Variants in PEAK1 observed in about 807,000 individuals in gnomAD.
PEAK1 encodes pseudopodium enriched atypical kinase 1, also known as inactive tyrosine-protein kinase PEAK1.
In PEAK1, 54 loss-of-function variants were observed where a neutral mutation model predicts 124.7. The ratio of observed to expected loss-of-function variants is 0.43; its 90% confidence interval spans 0.35 to 0.54. The LOEUF is 0.54. Among genes scored for constraint, PEAK1 ranks in the 20% least tolerant of loss-of-function variants. PEAK1 has a pLI of 0.01. For missense variants in PEAK1, 2,046 were observed against 2,134.5 expected, an observed-to-expected ratio of 0.96 and a Z score of 0.82; for synonymous variants, 719 against 760.0, an observed-to-expected ratio of 0.95 and a Z score of 0.89.
Position 77,111,943 on chromosome 15 carries a change from G to A in PEAK1, c.*2213C>T, listed in dbSNP as rs1012969303. Reference sequence around the variant, plus strand: ...TGCTGGCTGACATGGTCAGTGGTCTGTGTGCTGCCCTTCAGTGCATAATCA... The same window carrying A: ...TGCTGGCTGACATGGTCAGTGGTCTATGTGCTGCCCTTCAGTGCATAATCA... On this transcript the variant is annotated 3_prime_UTR_variant, in exon 10 of 10. Coordinates refer to ENST00000682557, the MANE Select transcript of PEAK1 (RefSeq NM_001385026.1). The A allele has an allele frequency of 6.6e-6, 1 of 152,310 alleles. No individual in the cohort carries two copies. The highest frequency in any genetic ancestry group is 1.5e-5 in the Non-Finnish European group (1 of 68,090). 9.4% of individuals were successfully genotyped at this position (152,310 alleles called of 1,614,324 possible). A position where few individuals can be genotyped will look rare whatever the true frequency, so the allele number is the denominator to read the frequency against.
chr15:77,330,006 T>C (rs937993309), intron 2 of PEAK1, among the ~76,000 whole-genome samples: 1 of 151,614 alleles, frequency 6.6e-6, no homozygotes, highest in African/African-American at 2.4e-5. Context: ...GACTACCTAA[T>C]ATTAAAAAGA....
At chr15:77,115,764 T>A (rs1191306232) in intron 9 of PEAK1, among the ~76,000 whole-genome samples, 3 of 152,228 alleles carry the variant, frequency 2.0e-5, no homozygotes, top group Non-Finnish European at 4.4e-5. Flanking sequence ...GGACTCATAA[T>A]GGAGACCAAA....
At chr15:77,362,851 T>TTTTA (rs1215322976) in intron 2 of PEAK1, among the ~76,000 whole-genome samples, 3 of 152,120 alleles carry the variant, frequency 2.0e-5, no homozygotes, top group Non-Finnish European at 4.4e-5. Context: ...TGACTTTTTA[T>TTTTA]TTTATTTATT....
At chr15:77,261,085 T>C (rs201708621) in intron 5 of PEAK1, among the ~76,000 whole-genome samples, 1 of 152,134 alleles carries the variant, frequency 6.6e-6, no homozygotes, top group South Asian at 2.1e-4. Flanking sequence ...GGAAAACTAA[T>C]AAACAGAAAG....
chr15:77,244,275 G>A (rs1178151485), intron 6 of PEAK1, among the ~76,000 whole-genome samples: 1 of 152,210 alleles, frequency 6.6e-6, no homozygotes, highest in African/African-American at 2.4e-5. Context: ...TCTATTATTT[G>A]AGACTGAGGT....
chr15:77,313,726 G>GTGTGTGTATATA (rs1462211130), intron 2 of PEAK1, among the ~76,000 whole-genome samples: 8 of 108,566 alleles, frequency 7.4e-5, no homozygotes, highest in African/African-American at 2.7e-4. Context: ...GTGTGTGTGT[G>GTGTGTGTATATA]TATATATATA....
At chr15:77,364,646 C>G (rs1194891563) in intron 2 of PEAK1, among the ~76,000 whole-genome samples, 1 of 152,148 alleles carries the variant, frequency 6.6e-6, no homozygotes, top group Non-Finnish European at 1.5e-5. Flanking sequence ...GAGTGGAATG[C>G]TATCTATAGA....
At chr15:77,301,774 T>C (rs1229816206) in intron 2 of PEAK1, among the ~76,000 whole-genome samples, 1 of 152,204 alleles carries the variant, frequency 6.6e-6, no homozygotes, top group Non-Finnish European at 1.5e-5. Context: ...GCCTAATGTA[T>C]GGAGTGGAGA....
chr15:77,356,451 C>T (rs536659541), intron 2 of PEAK1, among the ~76,000 whole-genome samples: 1 of 152,236 alleles, frequency 6.6e-6, no homozygotes, highest in East Asian at 1.9e-4. Flanking sequence ...AAATACACTT[C>T]GTATTATAAC....
intron 6 of PEAK1, among the ~76,000 whole-genome samples, chr15:77,250,194 T>TAC (rs2060797419): frequency 1.8e-5 from 2 of 112,614 alleles, no homozygotes; most frequent in African/African-American, 5.8e-5. Flanking sequence ...TATATATACA[T>TAC]ATATATACAT....
At chr15:77,182,749 C>CAAAAAAAAAAAAAAA (rs71143395) in intron 6 of PEAK1, among the ~76,000 whole-genome samples, 11 of 65,138 alleles carry the variant, frequency 1.7e-4, no homozygotes, top group African/African-American at 4.3e-4. Flanking sequence ...GACCTTGTCT[C>CAAAAAAAAAAAAAAA]AAAAAAAAAA....
At chr15:77,405,471 T>A (rs1399074171) in intron 1 of PEAK1, among the ~76,000 whole-genome samples, 1 of 152,168 alleles carries the variant, frequency 6.6e-6, no homozygotes, top group Non-Finnish European at 1.5e-5. Flanking sequence ...TATATTCCTA[T>A]CATAAAAGCT....
In PEAK1 at chr15:77,181,222, C is replaced by T. The variant is rs2057249240; in HGVS notation, c.705G>A (p.Glu235=). The change falls in exon 7 of 10, where the codon GAG becomes GAA. Residue 235 remains glutamate (E), a synonymous_variant. Coordinates refer to ENST00000682557, the MANE Select transcript of PEAK1 (RefSeq NM_001385026.1). The part of the protein sequence containing the change: ...FCYPEFSSGE[E]SEEDVLFSNM... ...TACTGAAAAGTACATCCTCTTCACT[C>T]TCCTCGCCACTGGAAAACTCTGGGT... The T allele has an allele frequency of 1.2e-6, 2 of 1,613,856 alleles. No homozygotes were observed. Among genetic ancestry groups the T allele is most frequent in the South Asian group, 2.2e-5 (2 of 91,082 alleles).
At chr15:77,289,849 C>G (rs2063123379) in intron 2 of PEAK1, among the ~76,000 whole-genome samples, 1 of 151,998 alleles carries the variant, frequency 6.6e-6, no homozygotes, top group African/African-American at 2.4e-5. Flanking sequence ...AGAAAGAAAC[C>G]AAAACACCTA....
rs149699011 is a variant in PEAK1 at position 77,204,840 on chromosome 15, G to T, written c.-114-22800C>A. The T allele has an allele frequency of 5.7e-3, 925 of 161,554 alleles. 3 individuals carry two copies. The highest frequency in any genetic ancestry group is 8.9e-3 in the Non-Finnish European group (667 of 74,992). The allele number at this position is 161,554 out of a possible 1,614,324, so 10.0% of individuals were successfully genotyped here. A position where few individuals can be genotyped will look rare whatever the true frequency, so the allele number is the denominator to read the frequency against. On this transcript the variant is annotated intron_variant, in intron 6 of 9. Coordinates refer to ENST00000682557, the MANE Select transcript of PEAK1 (RefSeq NM_001385026.1). ...AATTGCTTGAACCCAGGAGGCAGAG[G>T]TTGCAGTAAGCTGAGATTGTGCCAC...
chr15:77,152,049 A>G (rs1236221382), intron 8 of PEAK1, among the ~76,000 whole-genome samples: 1 of 152,182 alleles, frequency 6.6e-6, no homozygotes, highest in Non-Finnish European at 1.5e-5. Context: ...CATGATAGGG[A>G]TGGCATTGTA....
intron 2 of PEAK1, among the ~76,000 whole-genome samples, chr15:77,339,008 G>T (rs2066371158): frequency 6.6e-6 from 1 of 152,046 alleles, no homozygotes; most frequent in South Asian, 2.1e-4. Context: ...TTGTAAATTG[G>T]TTATTTCTGA....
chr15:77,133,134 C>A lies in PEAK1; in HGVS notation c.3948G>T (p.Gln1316His). ...EDLFMAGQKDQLRFGVDSWSD... is the reference protein window; with the variant it reads ...EDLFMAGQKDHLRFGVDSWSD... Reference sequence around the variant, plus strand: ...ACCAGCTGTCCACTCCAAAACGGAGCTGGTCTTTCTGCCCAGCCATGAAAA... The same window carrying A: ...ACCAGCTGTCCACTCCAAAACGGAGATGGTCTTTCTGCCCAGCCATGAAAA... Residue 1316 changes from glutamine to histidine, a missense_variant, in exon 9 of 10, where the codon CAG becomes CAT. By Grantham distance (24) the Gln-to-His change is conservative. Coordinates refer to ENST00000682557, the MANE Select transcript of PEAK1 (RefSeq NM_001385026.1). The surrounding 1 kb of genome is among the most constrained non-coding windows in gnomAD (Gnocchi z 4.2). 2 of 1,614,236 alleles carry A rather than the reference C, an allele frequency of 1.2e-6. No individual in the cohort carries two copies. The highest frequency in any genetic ancestry group is 1.7e-6 in the Non-Finnish European group (2 of 1,180,042).
chr15:77,305,673 T>C (rs1240730418), intron 2 of PEAK1, among the ~76,000 whole-genome samples: 6 of 152,148 alleles, frequency 3.9e-5, no homozygotes, highest in South Asian at 2.1e-4. Flanking sequence ...GCTATAGTTA[T>C]CTCTCATTAT....
Sources: gnomAD v4.1 joint callset for allele counts (sites outside exome capture counted in the v4.1 genomes callset) on GRCh38, gnomAD v4.1.1 for gene constraint, Gnocchi (gnomAD v3.1) non-coding constraint, MANE v1.5 for transcripts, NCBI Gene and HGNC (gene_info 2026-07-23, HGNC 2026-07-21) for gene names.